KRT7: variants seen among roughly 807,000 people sequenced by gnomAD.
The protein encoded by KRT7 is keratin 7, also known as keratin, type II cytoskeletal 7.
A neutral mutation model predicts 42.8 loss-of-function variants in KRT7; 50 were observed. That is an observed-to-expected ratio of 1.17 (90% CI 0.93 to 1.48). The LOEUF (loss-of-function observed/expected upper bound fraction) is 1.48. Among genes scored for constraint, KRT7 ranks in the 40% most tolerant of loss-of-function variants. The pLI, the probability that KRT7 is intolerant of heterozygous loss-of-function variation, is 0.00. For synonymous variants in KRT7, 268 were observed against 266.3 expected (o/e 1.01, Z -0.06); for missense variants, 588 against 637.6 (o/e 0.92, Z 0.84).
intron 2 of KRT7, among the ~76,000 whole-genome samples, chr12:52,236,748 T>C (rs1217661032): frequency 6.6e-6 from 1 of 152,230 alleles, no homozygotes; most frequent in Admixed American, 6.5e-5. Context: ...ACACCTTTTT[T>C]TGAGTCTCAA....
intron 2 of KRT7, 48 bp from the exon 3 acceptor site, chr12:52,237,461 G>A (rs1455340206): frequency 2.9e-6 from 4 of 1,400,140 alleles, no homozygotes; most frequent in South Asian, 1.2e-5. Flanking sequence ...GGGGGGACGG[G>A]AGCATGGAGG....
chr12:52,252,363 A>G, downstream of KRT7: 1 of 1,614,052 alleles, frequency 6.2e-7, no homozygotes, highest in Non-Finnish European at 8.5e-7. Flanking sequence ...CAGGCAGGCC[A>G]TGTCCTGCTT....
At chr12:52,252,532 A>G (rs1049715519), downstream of KRT7, 127 of 1,598,998 alleles carry the variant, frequency 7.9e-5, no homozygotes, top group Middle Eastern at 8.1e-4. Flanking sequence ...CTTCAGGGTC[A>G]GAGGCCAGGT....
At chr12:52,235,513 A>G (rs1422537145) in intron 2 of KRT7, 147 bp downstream of exon 2, 6 of 655,038 alleles carry the variant, frequency 9.2e-6, no homozygotes, top group Non-Finnish European at 1.3e-5. Flanking sequence ...CTTGACCAAC[A>G]CATTTCCTGC....
chr12:52,253,331 T>C, downstream of KRT7: 2 of 1,612,844 alleles, frequency 1.2e-6, no homozygotes, highest in Middle Eastern at 1.7e-4. Flanking sequence ...GGCCTTCATC[T>C]CCTCACACTG....
chr12:52,235,346 G>C lies in KRT7; in HGVS notation c.516G>C (p.Val172=), dbSNP rs374236437. 6 of 1,611,546 alleles carry C rather than the reference G, an allele frequency of 3.7e-6. No homozygotes were observed. Among genetic ancestry groups the C allele is most frequent in the African/African-American group, 1.3e-5 (1 of 74,876 alleles). ...LEAELRSMQD[V]VEDFKNKYED... ...CGGAGCTGCGGAGCATGCAGGATGT[G>C]GTGGAGGACTTCAAGAATAAGTAAT... The change falls in exon 2 of 9, where the codon GTG becomes GTC. Residue 172 remains valine (V), a synonymous_variant. Coordinates refer to ENST00000331817, the MANE Select transcript of KRT7 (RefSeq NM_005556.4).
intron 2 of KRT7, among the ~76,000 whole-genome samples, chr12:52,236,166 T>C (rs570682569): frequency 2.0e-4 from 30 of 150,020 alleles, no homozygotes; most frequent in African/African-American, 7.2e-4. Flanking sequence ...TGGCTCTGAC[T>C]GGAGGAGAGC....
intron 3 of KRT7, 152 bp downstream of exon 3, chr12:52,237,721 C>CGTGTGTGTGTGT: frequency 6.2e-6 from 2 of 322,976 alleles, no homozygotes; most frequent in South Asian, 3.8e-5. Flanking sequence ...CCTGTGGGTG[C>CGTGTGTGTGTGT]GTGTATGTGT....
chr12:52,236,928 C>A (rs770551658), intron 2 of KRT7, among the ~76,000 whole-genome samples: 1 of 152,104 alleles, frequency 6.6e-6, no homozygotes, highest in South Asian at 2.1e-4. Context: ...CTTTGTGTAT[C>A]CCTCATCCTG....
intron 3 of KRT7, among the ~76,000 whole-genome samples, chr12:52,238,390 G>A (rs1276491954): frequency 1.3e-5 from 2 of 152,228 alleles, no homozygotes; most frequent in Non-Finnish European, 2.9e-5. Flanking sequence ...CGGTTAGTAG[G>A]TGGAGCTAGT....
chr12:52,244,354 TCTC>T, intron 6 of KRT7: 1 of 985,578 alleles, frequency 1.0e-6, no homozygotes, highest in Non-Finnish European at 1.2e-6. Flanking sequence ...TACATCCGGT[TCTC>T]CTCTCACACA....
chr12:52,252,575 A>C (rs1023029298), downstream of KRT7: 14 of 1,473,716 alleles, frequency 9.5e-6, no homozygotes, highest in Non-Finnish European at 1.2e-5. Context: ...GAAGAAAAAG[A>C]GGCCTTGTCT....
downstream of KRT7, chr12:52,250,650 G>C (rs11170061): frequency 0.29 from 207,165 of 723,270 alleles, 32,173 homozygotes; most frequent in African/African-American, 0.36. Context: ...ACCTGCCAGA[G>C]GGGGAGGACA....
At chr12:52,250,670 C>G, downstream of KRT7, 1 of 644,798 alleles carries the variant, frequency 1.6e-6, no homozygotes, top group Non-Finnish European at 2.8e-6. Flanking sequence ...AGGGCCCAGT[C>G]TCCTGGCGGC....
chr12:52,252,946 G>T (rs1942288657), downstream of KRT7, among the ~76,000 whole-genome samples: 1 of 152,216 alleles, frequency 6.6e-6, no homozygotes, highest in African/African-American at 2.4e-5. Flanking sequence ...GGCAGAGCTT[G>T]TTTGAGAGCC....
At chr12:52,253,572 C>G (rs763315972), downstream of KRT7, 3 of 1,599,260 alleles carry the variant, frequency 1.9e-6, no homozygotes, top group South Asian at 3.3e-5. Flanking sequence ...ACTGCCATGT[C>G]TAGCAGGCAG....
downstream of KRT7, among the ~76,000 whole-genome samples, chr12:52,252,770 G>A (rs1942286036): frequency 6.6e-6 from 1 of 152,214 alleles, no homozygotes; most frequent in Admixed American, 6.5e-5. Context: ...CCTGCCTTTT[G>A]TGCTTTCCAG....
intron 7 of KRT7, chr12:52,247,855 T>C (rs570448681): frequency 8.1e-5 from 31 of 383,082 alleles, no homozygotes; most frequent in African/African-American, 6.2e-4. Context: ...TCCCAGGTGC[T>C]CAGGGCTTTA....
chr12:52,237,978 G>C (rs1339397906), intron 3 of KRT7, among the ~76,000 whole-genome samples: 1 of 152,206 alleles, frequency 6.6e-6, no homozygotes, highest in Non-Finnish European at 1.5e-5. Context: ...CTGCAGATGT[G>C]CAAGCTTGGA....
Sources: gnomAD v4.1 joint callset for allele counts (sites outside exome capture counted in the v4.1 genomes callset) on GRCh38, gnomAD v4.1.1 for gene constraint, MANE v1.5 for transcripts, NCBI Gene and HGNC (gene_info 2026-07-23, HGNC 2026-07-21) for gene names.